Variants in RPS6KC1 observed in about 807,000 individuals in gnomAD.
RPS6KC1 encodes the protein ribosomal protein S6 kinase C1.
In RPS6KC1, 54 loss-of-function variants were observed where a neutral mutation model predicts 103.8. That is an observed-to-expected ratio of 0.52 (90% CI 0.42 to 0.65). The LOEUF (loss-of-function observed/expected upper bound fraction) is 0.65, where lower values mean the gene tolerates loss of function less well. Among genes scored for constraint, RPS6KC1 ranks in the 30% least tolerant of loss-of-function variants. The pLI, the probability that RPS6KC1 is intolerant of heterozygous loss-of-function variation, is 0.00. For missense variants in RPS6KC1, 1,151 were observed against 1,253.8 expected, an observed-to-expected ratio of 0.92 and a Z score of 1.24; for synonymous variants, 439 against 438.7, an observed-to-expected ratio of 1.00 and a Z score of -0.01.
chr1:213,420,619 TC>T, the RPS6KC1 span, among the ~76,000 whole-genome samples: 204 of 152,230 alleles, frequency 1.3e-3, 1 homozygote, highest in Non-Finnish European at 1.6e-3. Context: ...GTTGTCTGCT[TC>T]ACGGCCCATT....
the RPS6KC1 span, among the ~76,000 whole-genome samples, chr1:213,774,401 C>G: frequency 6.6e-6 from 1 of 152,208 alleles, no homozygotes. Context: ...CCCTTCTAGT[C>G]AGCTCTTCCT....
intron 6 of RPS6KC1, among the ~76,000 whole-genome samples, chr1:213,145,992 T>TGG (rs2087742452): frequency 7.0e-6 from 1 of 143,288 alleles, no homozygotes; most frequent in Non-Finnish European, 1.5e-5. Flanking sequence ...TTTTTTTTTT[T>TGG]TTGGTATATG....
chr1:213,389,501 C>A, the RPS6KC1 span, among the ~76,000 whole-genome samples: 3 of 152,216 alleles, frequency 2.0e-5, no homozygotes, highest in African/African-American at 7.2e-5. Flanking sequence ...TCACAAGAGG[C>A]TCGCGTGCAC....
the RPS6KC1 span, among the ~76,000 whole-genome samples, chr1:213,855,502 T>A: frequency 6.6e-6 from 1 of 152,206 alleles, no homozygotes; most frequent in Admixed American, 6.5e-5. Context: ...CCCTCTCCAC[T>A]GGAACAGCTA....
At chr1:213,265,432 C>G (rs972050975) in intron 14 of RPS6KC1, among the ~76,000 whole-genome samples, 1 of 152,124 alleles carries the variant, frequency 6.6e-6, no homozygotes, top group African/African-American at 2.4e-5. Flanking sequence ...AAAGAACTTA[C>G]ATGTTTATGT....
chr1:213,138,369 C>G (rs922508364), intron 6 of RPS6KC1, among the ~76,000 whole-genome samples: 3 of 151,790 alleles, frequency 2.0e-5, no homozygotes, highest in Non-Finnish European at 4.4e-5. Flanking sequence ...TCACAACTTT[C>G]ATTTTAGGTT....
intron 7 of RPS6KC1, among the ~76,000 whole-genome samples, chr1:213,170,480 C>T (rs2091384112): frequency 6.6e-6 from 1 of 152,186 alleles, no homozygotes; most frequent in African/African-American, 2.4e-5. Context: ...ACAGCCTGCT[C>T]TTGCAAATCC....
the RPS6KC1 span, among the ~76,000 whole-genome samples, chr1:213,332,447 A>G: frequency 6.6e-6 from 1 of 152,230 alleles, no homozygotes; most frequent in Non-Finnish European, 1.5e-5. Flanking sequence ...TATATGCAAA[A>G]TAAAAGAAAT....
the RPS6KC1 span, among the ~76,000 whole-genome samples, chr1:213,502,581 C>T: frequency 6.6e-6 from 1 of 151,972 alleles, no homozygotes; most frequent in Non-Finnish European, 1.5e-5. Flanking sequence ...AATTATGGTC[C>T]ATCTATAAAT....
intron 14 of RPS6KC1, among the ~76,000 whole-genome samples, chr1:213,266,065 G>A (rs963561459): frequency 2.0e-5 from 3 of 152,198 alleles, no homozygotes; most frequent in Non-Finnish European, 4.4e-5. Flanking sequence ...CCTGGCATGT[G>A]ATAAGTGTCG....
chr1:213,419,968 A>G, the RPS6KC1 span, among the ~76,000 whole-genome samples: 98 of 152,356 alleles, frequency 6.4e-4, 1 homozygote, highest in African/African-American at 2.2e-3. Context: ...GCACGGAAAC[A>G]TTTCCATTCA....
the RPS6KC1 span, among the ~76,000 whole-genome samples, chr1:213,621,012 A>G: frequency 1.8e-4 from 28 of 152,168 alleles, no homozygotes; most frequent in Non-Finnish European, 3.4e-4. Context: ...TCACATTTTT[A>G]AAGAGCTTTT....
chr1:213,522,053 A>G, the RPS6KC1 span, among the ~76,000 whole-genome samples: 1 of 152,258 alleles, frequency 6.6e-6, no homozygotes, highest in Non-Finnish European at 1.5e-5. Context: ...TCATCAGAGG[A>G]ATCACTATCT....
At chr1:213,164,102 A>G (rs2090736568) in intron 6 of RPS6KC1, among the ~76,000 whole-genome samples, 1 of 152,248 alleles carries the variant, frequency 6.6e-6, no homozygotes, top group Admixed American at 6.5e-5. Flanking sequence ...AGGCTCTTAT[A>G]GTAACTGTGT....
chr1:213,325,621 A>G, the RPS6KC1 span, among the ~76,000 whole-genome samples: 1 of 152,142 alleles, frequency 6.6e-6, no homozygotes, highest in Non-Finnish European at 1.5e-5. Flanking sequence ...TCTGGCACGG[A>G]TAGATGGTAA....
At chr1:213,597,308 G>A in the RPS6KC1 span, among the ~76,000 whole-genome samples, 319 of 152,322 alleles carry the variant, frequency 2.1e-3, 4 homozygotes, top group African/African-American at 7.5e-3. Flanking sequence ...GCACAACCAT[G>A]GAGAAATGCA....
At chr1:213,085,659 A>G (rs1020458834) in intron 3 of RPS6KC1, among the ~76,000 whole-genome samples, 3 of 151,780 alleles carry the variant, frequency 2.0e-5, no homozygotes, top group Non-Finnish European at 4.4e-5. Flanking sequence ...TTCTCCCTTT[A>G]TCTGTGTCTC....
the RPS6KC1 span, among the ~76,000 whole-genome samples, chr1:213,478,343 A>G: frequency 3.0e-4 from 46 of 152,252 alleles, no homozygotes; most frequent in Non-Finnish European, 6.3e-4. Context: ...TTTTGTATGG[A>G]TATAATTTTT....
At chr1:213,539,208 A>G in the RPS6KC1 span, among the ~76,000 whole-genome samples, 1 of 152,238 alleles carries the variant, frequency 6.6e-6, no homozygotes, top group Non-Finnish European at 1.5e-5. Context: ...AGCTTCCTGG[A>G]GATGGGCTAC....
Sources: gnomAD v4.1 joint callset for allele counts (sites outside exome capture counted in the v4.1 genomes callset) on GRCh38, gnomAD v4.1.1 for gene constraint, MANE v1.5 for transcripts, NCBI Gene and HGNC (gene_info 2026-07-23, HGNC 2026-07-21) for gene names.